MCTP2: variants seen among roughly 807,000 people sequenced by gnomAD.
The protein encoded by MCTP2 is multiple C2 and transmembrane domain-containing protein 2.
A neutral mutation model predicts 111.6 loss-of-function variants in MCTP2; 132 were observed. The observed-to-expected ratio is 1.18, with a 90% CI of 1.03 to 1.37. The LOEUF is 1.37. MCTP2 is among the 40% of genes most tolerant of loss of function. MCTP2 has a pLI of 0.00. For missense variants in MCTP2, 1,183 were observed against 1,067.9 expected, an observed-to-expected ratio of 1.11 and a Z score of -1.50; for synonymous variants, 395 against 387.7, an observed-to-expected ratio of 1.02 and a Z score of -0.22.
rs187399550 is a variant in MCTP2 at position 94,461,093 on chromosome 15, T to C, written c.2360+2847T>C. 1.0e-3 allele frequency among the ~76,000 whole-genome samples: 157 copies of C among 152,320 alleles called. 1 individual carries two copies. The highest frequency in any genetic ancestry group is 1.9e-4 in the Non-Finnish European group (13 of 68,032). On this transcript the variant is annotated intron_variant, in intron 20 of 22. Transcript: ENST00000357742. The stretch of plus-strand genomic sequence containing the variant: ...TATTCCTTTTTTCCTACTCTTACCT[T>C]CTCTAGTTACCTTCCCTAATATTAC...
intron 17 of MCTP2, among the ~76,000 whole-genome samples, chr15:94,407,218 A>G (rs891079729): frequency 6.6e-6 from 1 of 152,182 alleles, no homozygotes; most frequent in Non-Finnish European, 1.5e-5. Context: ...TTCATATGTT[A>G]AAATATTATT....
At chr15:94,240,338 T>C (rs994212563) in intron 1 of MCTP2, among the ~76,000 whole-genome samples, 34 of 152,276 alleles carry the variant, frequency 2.2e-4, no homozygotes, top group African/African-American at 7.2e-4. Flanking sequence ...AAATCTGGCC[T>C]ATGTCTTTTT....
At chr15:94,362,388 T>G (rs990148523) in intron 10 of MCTP2, among the ~76,000 whole-genome samples, 1 of 152,172 alleles carries the variant, frequency 6.6e-6, no homozygotes, top group Non-Finnish European at 1.5e-5. Context: ...TAGACTTAAT[T>G]TAGTTTGGAA....
At chr15:94,322,766 G>A (rs1017648755) in intron 4 of MCTP2, among the ~76,000 whole-genome samples, 2 of 152,194 alleles carry the variant, frequency 1.3e-5, no homozygotes, top group Admixed American at 1.3e-4. Context: ...AGAAAAATCC[G>A]GAGATGTTGG....
chr15:94,243,722 CATACATATGTGTAT>C (rs2071350885), intron 1 of MCTP2, among the ~76,000 whole-genome samples: 1 of 113,366 alleles, frequency 8.8e-6, no homozygotes, highest in Non-Finnish European at 1.9e-5. Flanking sequence ...TATGTATACA[CATACATATGTGTAT>C]ACATATATGT....
chr15:94,364,919 T>C (rs916533830), intron 10 of MCTP2, among the ~76,000 whole-genome samples: 1 of 152,186 alleles, frequency 6.6e-6, no homozygotes, highest in African/African-American at 2.4e-5. Flanking sequence ...TTGTATGAAA[T>C]ACATTTTTTC....
intron 19 of MCTP2, among the ~76,000 whole-genome samples, chr15:94,454,054 TC>T (rs1181970987): frequency 6.6e-6 from 1 of 152,208 alleles, no homozygotes; most frequent in African/African-American, 2.4e-5. Flanking sequence ...CTGTTAATCT[TC>T]CTGCCAAAGG....
intron 22 of MCTP2, 58 bp downstream of exon 22, chr15:94,476,851 G>A (rs552185931): frequency 1.2e-4 from 116 of 959,956 alleles, no homozygotes; most frequent in African/African-American, 2.6e-4. Context: ...GGCCAGCCCC[G>A]GAGCCAGAGG....
intron 17 of MCTP2, among the ~76,000 whole-genome samples, chr15:94,417,581 T>C (rs1753127059): frequency 6.6e-6 from 1 of 152,120 alleles, no homozygotes; most frequent in Non-Finnish European, 1.5e-5. Flanking sequence ...TGTTTCAGCA[T>C]TGTAAGAAAG....
intron 19 of MCTP2, among the ~76,000 whole-genome samples, chr15:94,443,393 T>C (rs1044031774): frequency 2.0e-5 from 3 of 152,228 alleles, no homozygotes; most frequent in Admixed American, 6.5e-5. Flanking sequence ...GCTATATGTC[T>C]GTGTACATCT....
At chr15:94,314,385 A>G (rs2076284871) in intron 3 of MCTP2, 41 bp downstream of exon 3, 3 of 1,385,474 alleles carry the variant, frequency 2.2e-6, no homozygotes, top group Non-Finnish European at 1.0e-6. Context: ...AATGTTGTAG[A>G]TATTTCTCAT....
intron 4 of MCTP2, among the ~76,000 whole-genome samples, chr15:94,334,151 T>A (rs2077250308): frequency 6.6e-6 from 1 of 152,218 alleles, no homozygotes; most frequent in South Asian, 2.1e-4. Flanking sequence ...TCTCAGCAAA[T>A]GACCGAAGCC....
intron 19 of MCTP2, among the ~76,000 whole-genome samples, chr15:94,454,617 T>C (rs2084687256): frequency 6.6e-6 from 1 of 151,312 alleles, no homozygotes; most frequent in Non-Finnish European, 1.5e-5. Context: ...AAAAAAACCC[T>C]AAATTATGGT....
intron 17 of MCTP2, among the ~76,000 whole-genome samples, chr15:94,426,801 A>G (rs115713548): frequency 5.4e-4 from 82 of 152,268 alleles, no homozygotes; most frequent in African/African-American, 1.9e-3. Flanking sequence ...GGCATTTAGA[A>G]TATAGCAAGT....
At chr15:94,301,387 T>C (rs529783177) in intron 2 of MCTP2, among the ~76,000 whole-genome samples, 1 of 152,236 alleles carries the variant, frequency 6.6e-6, no homozygotes, top group South Asian at 2.1e-4. Context: ...CTACCCAGTC[T>C]GAGTTCCAAA....
intron 4 of MCTP2, among the ~76,000 whole-genome samples, chr15:94,338,969 C>T (rs2077500805): frequency 6.6e-6 from 1 of 152,172 alleles, no homozygotes; most frequent in Admixed American, 6.5e-5. Context: ...GTGGGCTTCT[C>T]CCTAAGACTA....
At chr15:94,319,381 T>C (rs1393161751) in intron 4 of MCTP2, among the ~76,000 whole-genome samples, 2 of 152,198 alleles carry the variant, frequency 1.3e-5, no homozygotes, top group Non-Finnish European at 2.9e-5. Context: ...AAGTTTTATC[T>C]AACACAATCC....
At chr15:94,414,564 T>C (rs368331056) in intron 17 of MCTP2, among the ~76,000 whole-genome samples, 3 of 152,206 alleles carry the variant, frequency 2.0e-5, no homozygotes, top group East Asian at 3.8e-4. Context: ...ACAGGACGTG[T>C]TCATCAGGAA....
chr15:94,480,932 G>C lies in MCTP2; in HGVS notation c.*1898G>C, dbSNP rs779528641. ...TTAGGACCCAAACACCAGCTGGGAC[G>C]TAAGAGCAGGACCGAATCAACCTTG... On this transcript the variant is annotated 3_prime_UTR_variant, in exon 23 of 23. Transcript: ENST00000357742. 5.3e-5 allele frequency: 8 copies of C among 152,166 alleles called. No homozygotes were observed. The highest frequency in any genetic ancestry group is 8.8e-5 in the Non-Finnish European group (6 of 67,990). The allele number at this position is 152,166 out of a possible 1,614,324, so 9.4% of individuals were successfully genotyped here.
Sources: gnomAD v4.1 joint callset for allele counts (sites outside exome capture counted in the v4.1 genomes callset) on GRCh38, gnomAD v4.1.1 for gene constraint, MANE v1.5 for transcripts, NCBI Gene and HGNC (gene_info 2026-07-23, HGNC 2026-07-21) for gene names.